EPHA6: variants seen among roughly 807,000 people sequenced by gnomAD.
EPHA6 encodes the protein EPH receptor A6, also known as ephrin type-A receptor 6.
EPHA6 carries 50 observed loss-of-function variants against 112.0 expected under a neutral mutation model. That is an observed-to-expected ratio of 0.45 (90% confidence interval 0.36 to 0.56). The LOEUF is 0.56. EPHA6 is among the 20% of genes least tolerant of loss of function. The probability of loss-of-function intolerance (pLI) is 0.00; values close to 1 mark genes in which losing one functional copy is unlikely to be tolerated. For synonymous variants in EPHA6, 529 were observed against 490.7 expected, an observed-to-expected ratio of 1.08 and a Z score of -1.03; for missense variants, 1,280 against 1,417.4, an observed-to-expected ratio of 0.90 and a Z score of 1.56.
At chr3:97,114,035 T>C (rs2047808007) in intron 3 of EPHA6, among the ~76,000 whole-genome samples, 1 of 152,014 alleles carries the variant, frequency 6.6e-6, no homozygotes, top group African/African-American at 2.4e-5. Context: ...GAGGAGGAGG[T>C]GGTTACTACC....
rs147690381 is a variant in EPHA6, at chr3:96,836,012, G to A, written c.385+21004G>A. Among the ~76,000 whole-genome samples, 69 of 152,076 alleles carry A rather than the reference G, an allele frequency of 4.5e-4. 1 individual carries two copies. In the East Asian group the frequency reaches 7.8e-3, roughly 17 times the overall value. The stretch of plus-strand genomic sequence containing the variant: ...ATTACTTGTATAAAATTCATCTTAG[G>A]TTCTATTTGGTTTATGTAGGAAGAA... On this transcript the variant is annotated intron_variant, in intron 1 of 17. Coordinates refer to ENST00000389672, the MANE Select transcript of EPHA6 (RefSeq NM_001080448.3).
At chr3:97,295,229 C>T (rs1226212753) in intron 5 of EPHA6, among the ~76,000 whole-genome samples, 1 of 152,158 alleles carries the variant, frequency 6.6e-6, no homozygotes, top group Admixed American at 6.5e-5. Flanking sequence ...TCGTTTGTTT[C>T]ATCATGGTCC....
chr3:97,265,733 G>T (rs1379121660), intron 5 of EPHA6, among the ~76,000 whole-genome samples: 4 of 152,204 alleles, frequency 2.6e-5, no homozygotes, highest in African/African-American at 7.2e-5. Context: ...CTGTGGTGGG[G>T]TTCCCACCGC....
chr3:97,054,976 A>G (rs1248625792), intron 3 of EPHA6, among the ~76,000 whole-genome samples: 2 of 152,142 alleles, frequency 1.3e-5, no homozygotes, highest in African/African-American at 4.8e-5. Context: ...TTGGGAAATA[A>G]TGAAGATGAT....
At chr3:97,317,402 CA>C (rs1173076179) in intron 5 of EPHA6, among the ~76,000 whole-genome samples, 2 of 151,812 alleles carry the variant, frequency 1.3e-5, no homozygotes, top group Admixed American at 6.6e-5. Flanking sequence ...TAATAAACTA[CA>C]AAAAAAGTGT....
intron 3 of EPHA6, among the ~76,000 whole-genome samples, chr3:97,005,356 G>A (rs2043838157): frequency 6.6e-6 from 1 of 152,022 alleles, no homozygotes; most frequent in African/African-American, 2.4e-5. Flanking sequence ...GTATTCCTAG[G>A]TATATTATTC....
intron 2 of EPHA6, among the ~76,000 whole-genome samples, chr3:96,873,602 C>A (rs965372390): frequency 6.6e-6 from 1 of 152,122 alleles, no homozygotes; most frequent in Non-Finnish European, 1.5e-5. Flanking sequence ...CTATCTGTAG[C>A]AATTGGCTTT....
In EPHA6 at chr3:97,471,416, T is replaced by C. The variant is rs186919952; in HGVS notation, c.1895-3936T>C. Among the ~76,000 whole-genome samples, 264 of 151,870 alleles carry C rather than the reference T, an allele frequency of 1.7e-3. 2 individuals carry two copies. The highest frequency in any genetic ancestry group is 1.1e-3 in the Non-Finnish European group (77 of 67,734). ...GAGCACAGTAACTGTGTTTTGTTCA[T>C]CACTGTATACCCTGTGTCTATGTTA... On this transcript the variant is annotated intron_variant, in intron 7 of 17. Coordinates refer to ENST00000389672, the MANE Select transcript of EPHA6 (RefSeq NM_001080448.3).
intron 14 of EPHA6, among the ~76,000 whole-genome samples, chr3:97,693,378 A>T (rs1030961837): frequency 6.6e-6 from 1 of 152,234 alleles, no homozygotes; most frequent in Admixed American, 6.5e-5. Context: ...TAAATTAATT[A>T]AATTAAATCA....
At chr3:97,628,755 C>A (rs543043746) in intron 13 of EPHA6, among the ~76,000 whole-genome samples, 2 of 151,808 alleles carry the variant, frequency 1.3e-5, no homozygotes, top group African/African-American at 4.8e-5. Flanking sequence ...TGGCATTTCA[C>A]CTTATACTAG....
intron 5 of EPHA6, among the ~76,000 whole-genome samples, chr3:97,317,341 A>C (rs2081891984): frequency 6.6e-6 from 1 of 152,142 alleles, no homozygotes; most frequent in Admixed American, 6.6e-5. Flanking sequence ...GATACTACAT[A>C]ACTATAAGTT....
chr3:97,152,745 G>A (rs887578059), intron 3 of EPHA6, among the ~76,000 whole-genome samples: 1 of 151,976 alleles, frequency 6.6e-6, no homozygotes, highest in African/African-American at 2.4e-5. Flanking sequence ...GCCCATTTTT[G>A]TCCTTCTACA....
intron 7 of EPHA6, among the ~76,000 whole-genome samples, chr3:97,456,961 A>G (rs1479706569): frequency 2.0e-5 from 3 of 152,228 alleles, no homozygotes; most frequent in African/African-American, 7.2e-5. Flanking sequence ...CATTCTTCAG[A>G]CTACACAAAT....
intron 3 of EPHA6, among the ~76,000 whole-genome samples, chr3:97,170,238 A>T (rs1241217292): frequency 1.3e-5 from 2 of 152,146 alleles, no homozygotes; most frequent in Non-Finnish European, 2.9e-5. Context: ...TTATGGTTGA[A>T]GGCAATGAGC....
chr3:96,939,937 T>A (rs999349006), intron 2 of EPHA6, among the ~76,000 whole-genome samples: 1 of 152,156 alleles, frequency 6.6e-6, no homozygotes, highest in Admixed American at 6.5e-5. Context: ...TAATCCTGAG[T>A]TCTAGTTTGA....
At chr3:96,906,382 C>T (rs921402262) in intron 2 of EPHA6, among the ~76,000 whole-genome samples, 5 of 152,050 alleles carry the variant, frequency 3.3e-5, no homozygotes, top group African/African-American at 1.2e-4. Context: ...TTTGTCTTCC[C>T]TGGTTCTCAA....
chr3:97,626,031 T>G (rs2107519356), intron 13 of EPHA6, among the ~76,000 whole-genome samples: 1 of 151,828 alleles, frequency 6.6e-6, no homozygotes, highest in South Asian at 2.1e-4. Context: ...GAGGACAAAC[T>G]TTCCTTTAAG....
intron 5 of EPHA6, among the ~76,000 whole-genome samples, chr3:97,292,149 G>C (rs77999443): frequency 0.032 from 4,850 of 152,312 alleles, 258 homozygotes; most frequent in African/African-American, 0.11. Context: ...TCCGCTGCGG[G>C]CACCAGTGTC....
intron 5 of EPHA6, among the ~76,000 whole-genome samples, chr3:97,353,388 T>G (rs2083907351): frequency 6.6e-6 from 1 of 151,892 alleles, no homozygotes; most frequent in South Asian, 2.1e-4. Flanking sequence ...CAGAGCCCCC[T>G]GCTGCCATGA....
Sources: allele counts gnomAD v4.1 joint callset (sites outside exome capture counted in the v4.1 genomes callset), GRCh38; gene constraint gnomAD v4.1.1; transcripts MANE v1.5; gene names NCBI Gene and HGNC (gene_info 2026-07-23, HGNC 2026-07-21).